The following LYPLAL1 variants were observed in gnomAD, a reference collection of about 807,000 sequenced individuals.
LYPLAL1 encodes the protein lysophospholipase-like protein 1.
Under a neutral mutation model 19.7 loss-of-function variants are expected in LYPLAL1, and 23 were observed. The ratio of observed to expected loss-of-function variants is 1.17; its 90% CI spans 0.84 to 1.65. The LOEUF (loss-of-function observed/expected upper bound fraction) is 1.65, where lower values mean the gene tolerates loss of function less well. Among genes scored for constraint, LYPLAL1 ranks in the 40% most tolerant of loss-of-function variants. LYPLAL1 has a pLI of 0.00. For missense variants in LYPLAL1, 355 were observed against 279.4 expected, an observed-to-expected ratio of 1.27 and a Z score of -1.93; for synonymous variants, 119 against 96.3, an observed-to-expected ratio of 1.24 and a Z score of -1.38.
the LYPLAL1 span, among the ~76,000 whole-genome samples, chr1:219,340,591 A>AT: frequency 1.3e-5 from 2 of 152,002 alleles, no homozygotes; most frequent in African/African-American, 4.8e-5. Flanking sequence ...GACAGTTAGA[A>AT]TTTTACTGTT....
the LYPLAL1 span, among the ~76,000 whole-genome samples, chr1:219,383,599 T>C: frequency 6.6e-6 from 1 of 152,200 alleles, no homozygotes; most frequent in Non-Finnish European, 1.5e-5. Context: ...AACAGATACA[T>C]TCAGTCAGTA....
At chr1:219,388,083 T>G in the LYPLAL1 span, among the ~76,000 whole-genome samples, 1 of 152,184 alleles carries the variant, frequency 6.6e-6, no homozygotes, top group Admixed American at 6.5e-5. Flanking sequence ...ATTACCCCAT[T>G]AATTTCAGTC....
the LYPLAL1 span, among the ~76,000 whole-genome samples, chr1:219,313,459 T>C: frequency 6.6e-6 from 1 of 152,180 alleles, no homozygotes; most frequent in Admixed American, 6.5e-5. Context: ...GGAAAGGCTG[T>C]GTGAAAATTT....
the LYPLAL1 span, among the ~76,000 whole-genome samples, chr1:219,285,557 C>T: frequency 5.9e-5 from 9 of 152,302 alleles, no homozygotes; most frequent in East Asian, 3.9e-4. Flanking sequence ...CGAGTACTGA[C>T]GTATAGCTAC....
chr1:219,278,011 T>A, the LYPLAL1 span, among the ~76,000 whole-genome samples: 2 of 152,200 alleles, frequency 1.3e-5, no homozygotes, highest in African/African-American at 2.4e-5. Flanking sequence ...CTACAAAAAG[T>A]TCAAACCGAT....
chr1:219,183,694 G>A (rs532423352), intron 2 of LYPLAL1, among the ~76,000 whole-genome samples: 1 of 152,014 alleles, frequency 6.6e-6, no homozygotes, highest in South Asian at 2.1e-4. Flanking sequence ...TGACTTAATG[G>A]AATCTTGTGT....
At chr1:219,407,899 G>A in the LYPLAL1 span, among the ~76,000 whole-genome samples, 10 of 152,116 alleles carry the variant, frequency 6.6e-5, no homozygotes, top group Admixed American at 2.0e-4. Context: ...TCCTCACATG[G>A]CAGAAACAGG....
the LYPLAL1 span, among the ~76,000 whole-genome samples, chr1:219,244,246 C>T: frequency 2.0e-5 from 3 of 151,954 alleles, no homozygotes; most frequent in African/African-American, 7.3e-5. Context: ...AAAAAACATG[C>T]CCAATAAGAA....
At chr1:219,417,276 C>A in the LYPLAL1 span, among the ~76,000 whole-genome samples, 3 of 152,096 alleles carry the variant, frequency 2.0e-5, no homozygotes, top group Non-Finnish European at 4.4e-5. Context: ...ATTAGTATAA[C>A]CACCTTGACT....
At chr1:219,435,689 G>T in the LYPLAL1 span, among the ~76,000 whole-genome samples, 1 of 152,038 alleles carries the variant, frequency 6.6e-6, no homozygotes, top group East Asian at 1.9e-4. Context: ...AGCTGGGTGT[G>T]GTGGTGCATG....
chr1:219,316,363 G>T, the LYPLAL1 span, among the ~76,000 whole-genome samples: 3 of 152,056 alleles, frequency 2.0e-5, no homozygotes, highest in Non-Finnish European at 2.9e-5. Context: ...TTTTGTTAAA[G>T]ATTTTCATAT....
At chr1:219,412,708 C>A in the LYPLAL1 span, among the ~76,000 whole-genome samples, 2 of 152,312 alleles carry the variant, frequency 1.3e-5, no homozygotes, top group African/African-American at 2.4e-5. Context: ...AACACTGTTA[C>A]TTATCACTTG....
chr1:219,190,622 T>TAAAAAAAAAAAA (rs35544870), intron 2 of LYPLAL1, among the ~76,000 whole-genome samples: 1 of 86,010 alleles, frequency 1.2e-5, no homozygotes, highest in East Asian at 3.9e-4. Context: ...TTTTGTCCAG[T>TAAAAAAAAAAAA]AAAAAAAAAA....
chr1:219,325,711 T>A, the LYPLAL1 span, among the ~76,000 whole-genome samples: 15 of 152,200 alleles, frequency 9.9e-5, no homozygotes, highest in Non-Finnish European at 1.8e-4. Flanking sequence ...GAATTCTGAT[T>A]TAATTGAGTG....
chr1:219,233,379 GT>G, the LYPLAL1 span, among the ~76,000 whole-genome samples: 10 of 152,154 alleles, frequency 6.6e-5, no homozygotes, highest in African/African-American at 2.4e-4. Flanking sequence ...AACAGGTATA[GT>G]TTCAGTTTTG....
the LYPLAL1 span, among the ~76,000 whole-genome samples, chr1:219,368,495 G>A: frequency 1.3e-5 from 2 of 152,130 alleles, no homozygotes; most frequent in Non-Finnish European, 2.9e-5. Context: ...CTTGGAACTG[G>A]AGGTAGTCAC....
At chr1:219,436,951 C>T in the LYPLAL1 span, 2 of 152,178 alleles carry the variant, frequency 1.3e-5, no homozygotes, top group Admixed American at 1.3e-4. Context: ...ATTGGGAACT[C>T]TGTTACACTA....
the LYPLAL1 span, among the ~76,000 whole-genome samples, chr1:219,265,496 C>G: frequency 6.6e-6 from 1 of 152,042 alleles, no homozygotes; most frequent in African/African-American, 2.4e-5. Flanking sequence ...TTCTTTTTTC[C>G]CCAATTTAAC....
the LYPLAL1 span, among the ~76,000 whole-genome samples, chr1:219,270,175 T>C: frequency 6.6e-6 from 1 of 152,220 alleles, no homozygotes; most frequent in Non-Finnish European, 1.5e-5. Context: ...AGTGGTGTTA[T>C]TTTAGTGGTG....
Sources: gnomAD v4.1 joint callset for allele counts (sites outside exome capture counted in the v4.1 genomes callset) on GRCh38, gnomAD v4.1.1 for gene constraint, MANE v1.5 for transcripts, NCBI Gene and HGNC (gene_info 2026-07-23, HGNC 2026-07-21) for gene names.